CA6: variants seen among roughly 807,000 people sequenced by gnomAD.
CA6 encodes the protein carbonate dehydratase VI.
A neutral mutation model predicts 35.9 loss-of-function variants in CA6; 28 were observed. The ratio of observed to expected loss-of-function variants is 0.78; its 90% CI spans 0.58 to 1.07. CA6 has a LOEUF of 1.07. Among genes scored for constraint, CA6 ranks in the 50% least tolerant of loss-of-function variants. CA6 has a pLI of 0.00. For synonymous variants in CA6, 148 were observed against 152.6 expected, an observed-to-expected ratio of 0.97 and a Z score of 0.22; for missense variants, 377 against 382.0, an observed-to-expected ratio of 0.99 and a Z score of 0.11.
chr1:8,962,743 TGC>T, intron 5 of CA6, 87 bp downstream of exon 5: 2 of 1,179,560 alleles, frequency 1.7e-6, no homozygotes, highest in Non-Finnish European at 2.5e-6. Context: ...AGGGGATTGA[TGC>T]TGGTGGGGAG....
At chr1:8,970,380 C>T (rs1454377430) in intron 6 of CA6, among the ~76,000 whole-genome samples, 4 of 152,112 alleles carry the variant, frequency 2.6e-5, no homozygotes, top group South Asian at 4.1e-4. Context: ...GAAGAATGCA[C>T]GGATAGATTA....
intron 6 of CA6, 147 bp downstream of exon 6, chr1:8,967,963 CTTT>C (rs34107058): frequency 0.016 from 4,829 of 293,640 alleles, no homozygotes; most frequent in Middle Eastern, 0.028. Context: ...TCTAGCCAAC[CTTT>C]TTTTTTTTTT....
chr1:8,949,383 A>G lies in CA6; in HGVS notation c.200A>G (p.Asn67Ser). The G allele has an allele frequency of 6.2e-7, 1 of 1,613,494 alleles. No homozygotes were observed. Among genetic ancestry groups the G allele is most frequent in the Non-Finnish European group, 8.5e-7 (1 of 1,179,710 alleles). ...TACAACCCCTCCTTGAAGGGGCTCA[A>G]TATGACAGGCTATGAGACCCAGGCA... ...VRYNPSLKGL[N>S]MTGYETQAGE... Residue 67 changes from asparagine to serine, a missense_variant, in exon 2 of 8, where the codon AAT becomes AGT. By Grantham distance (46) the Asn-to-Ser change is conservative. Transcript: ENST00000377443.
intron 6 of CA6, among the ~76,000 whole-genome samples, chr1:8,968,676 C>CA (rs1366213561): frequency 6.6e-6 from 1 of 152,042 alleles, no homozygotes; most frequent in African/African-American, 2.4e-5. Flanking sequence ...AGACTTGGGA[C>CA]AAAAACTCAA....
At chr1:8,968,155 A>G (rs1640020595) in intron 6 of CA6, among the ~76,000 whole-genome samples, 1 of 151,878 alleles carries the variant, frequency 6.6e-6, no homozygotes, top group Admixed American at 6.6e-5. Flanking sequence ...TAGTAGGGAC[A>G]GGGTTTTATT....
chr1:8,967,588 G>T, intron 5 of CA6, 71 bp from the exon 6 acceptor site: 1 of 1,320,500 alleles, frequency 7.6e-7, no homozygotes, highest in Non-Finnish European at 1.1e-6. Flanking sequence ...GGCGAGGCCT[G>T]GGCCTGAGCT....
At chr1:8,973,749 T>TTTC (rs1557635585) in intron 7 of CA6, among the ~76,000 whole-genome samples, 1 of 22,198 alleles carries the variant, frequency 4.5e-5, no homozygotes, top group Non-Finnish European at 7.6e-5. Context: ...TCTTTCTTTC[T>TTTC]TTCTTTCTTT....
chr1:8,950,347 G>C (rs1005710063), intron 2 of CA6, among the ~76,000 whole-genome samples: 1 of 151,950 alleles, frequency 6.6e-6, no homozygotes, highest in African/African-American at 2.4e-5. Context: ...AAGTTGGCTC[G>C]ACTCCTCTGA....
chr1:8,967,585 C>T (rs1201026560), intron 5 of CA6, 74 bp from the exon 6 acceptor site: 2 of 1,268,970 alleles, frequency 1.6e-6, no homozygotes, highest in Non-Finnish European at 2.2e-6. Flanking sequence ...CCTGGCGAGG[C>T]CTGGGCCTGA....
intron 2 of CA6, among the ~76,000 whole-genome samples, chr1:8,953,037 T>C (rs10864374): frequency 0.71 from 107,603 of 152,142 alleles, 38,161 homozygotes; most frequent in East Asian, 0.79. Context: ...CTGTTCATCT[T>C]TCCCTTCCTT....
rs200886584 is a variant in CA6 at position 8,949,352 on chromosome 1, G to T, written c.169G>T (p.Val57Leu). The change falls in exon 2 of 8, where the codon GTG becomes TTG. Residue 57 changes from valine to leucine, a missense_variant. Physicochemically the swap from Val to Leu is conservative, Grantham distance 32. Coordinates refer to ENST00000377443, the MANE Select transcript of CA6 (RefSeq NM_001215.4). ...QSPINLQRTK[V>L]RYNPSLKGLN... is the part of the protein sequence containing the mutation. ...GCCTATCAACCTACAGAGGACGAAGGTGCGGTACAACCCCTCCTTGAAGGG... is the reference window on the plus strand; with the variant it reads ...GCCTATCAACCTACAGAGGACGAAGTTGCGGTACAACCCCTCCTTGAAGGG... The T allele has an allele frequency of 9.3e-6, 15 of 1,613,396 alleles. No individual in the cohort carries two copies. The East Asian group carries it at 2.5e-4, about 26-fold the overall frequency.
At chr1:8,955,863 A>G (rs1639665098) in intron 2 of CA6, among the ~76,000 whole-genome samples, 1 of 152,224 alleles carries the variant, frequency 6.6e-6, no homozygotes, top group East Asian at 1.9e-4. Flanking sequence ...GACAGGTTTT[A>G]AATACCTCAT....
At chr1:8,962,473 CT>C in intron 4 of CA6, 113 bp from the exon 5 acceptor site, 5 of 854,508 alleles carry the variant, frequency 5.9e-6, no homozygotes, top group Non-Finnish European at 9.9e-6. Context: ...CAGGCTGCCT[CT>C]CCTTACTCTC....
chr1:8,955,887 TAAGA>T (rs1474282163), intron 2 of CA6, among the ~76,000 whole-genome samples: 1 of 152,260 alleles, frequency 6.6e-6, no homozygotes, highest in African/African-American at 2.4e-5. Context: ...TGCTATCTTT[TAAGA>T]AAATGTTCTT....
intron 7 of CA6, 69 bp downstream of exon 7, chr1:8,971,050 C>G (rs998770654): frequency 2.0e-6 from 2 of 1,013,950 alleles, no homozygotes; most frequent in African/African-American, 3.1e-5. Flanking sequence ...TCTAGGTGGA[C>G]CCATCTCTTC....
intron 7 of CA6, 87 bp from the exon 8 acceptor site, chr1:8,974,535 G>A (rs1358470810): frequency 1.1e-5 from 15 of 1,418,838 alleles, no homozygotes; most frequent in African/African-American, 7.2e-5. Context: ...AATACGATGC[G>A]GGTATGGTGT....
chr1:8,946,283 C>T (rs774801667), intron 1 of CA6, among the ~76,000 whole-genome samples: 7 of 152,028 alleles, frequency 4.6e-5, no homozygotes, highest in Non-Finnish European at 8.8e-5. Context: ...GGTGATCTGC[C>T]CATCTCCCAA....
intron 4 of CA6, among the ~76,000 whole-genome samples, chr1:8,959,672 C>T (rs952186256): frequency 6.6e-6 from 1 of 151,844 alleles, no homozygotes; most frequent in Admixed American, 6.6e-5. Context: ...TGGCTCACAT[C>T]TGTAATCCTA....
At chr1:8,960,225 C>A in intron 4 of CA6, among the ~76,000 whole-genome samples, 1 of 146,118 alleles carries the variant, frequency 6.8e-6, no homozygotes. Context: ...AGCGAGACTC[C>A]GTCTCAAAAA....
Sources: gnomAD v4.1 joint callset for allele counts (sites outside exome capture counted in the v4.1 genomes callset) on GRCh38, gnomAD v4.1.1 for gene constraint, MANE v1.5 for transcripts, NCBI Gene and HGNC (gene_info 2026-07-23, HGNC 2026-07-21) for gene names.